Variants in RPH3AL observed in about 807,000 individuals in gnomAD.
The protein encoded by RPH3AL is rabphilin 3A like (without C2 domains), also known as rab effector Noc2.
A neutral mutation model predicts 43.1 loss-of-function variants in RPH3AL; 38 were observed. The ratio of observed to expected loss-of-function variants is 0.88; its 90% CI spans 0.68 to 1.15. The LOEUF is 1.15. Among genes scored for constraint, RPH3AL ranks in the 50% most tolerant of loss-of-function variants. The pLI is 0.00. For synonymous variants in RPH3AL, 189 were observed against 176.3 expected, an observed-to-expected ratio of 1.07 and a Z score of -0.57; for missense variants, 462 against 423.2, an observed-to-expected ratio of 1.09 and a Z score of -0.81.
intron 5 of RPH3AL, among the ~76,000 whole-genome samples, chr17:305,425 C>A (rs1271374763): frequency 6.6e-6 from 1 of 152,078 alleles, no homozygotes. Flanking sequence ...GGCTACTCCA[C>A]CCTGGAGGCC....
chr17:279,088 C>T (rs1319979697), intron 6 of RPH3AL, among the ~76,000 whole-genome samples: 1 of 152,192 alleles, frequency 6.6e-6, no homozygotes, highest in African/African-American at 2.4e-5. Flanking sequence ...GACATAACTC[C>T]AAATTTTCAT....
chr17:344,044 C>G (rs571357084), intron 1 of RPH3AL, among the ~76,000 whole-genome samples: 3 of 135,942 alleles, frequency 2.2e-5, no homozygotes, highest in Admixed American at 2.1e-4. Flanking sequence ...CCATCATCAC[C>G]ATCATCATCG....
At chr17:240,626 A>G (rs139257082) in intron 7 of RPH3AL, among the ~76,000 whole-genome samples, 89 of 152,300 alleles carry the variant, frequency 5.8e-4, no homozygotes, top group African/African-American at 1.6e-3. Flanking sequence ...GTGGATCAGC[A>G]CTTTCTTCCT....
intron 7 of RPH3AL, among the ~76,000 whole-genome samples, chr17:230,848 G>T (rs115621588): frequency 0.013 from 1,962 of 152,196 alleles, 28 homozygotes; most frequent in African/African-American, 0.044. Context: ...GTTTTTTGTT[G>T]TTGTTGTTGT....
At position 246,295 on chromosome 17, in the gene RPH3AL, C is replaced by T. The variant is rs533423191; in HGVS notation, c.613+816G>A. Among the ~76,000 whole-genome samples the T allele has an allele frequency of 2.0e-4, 31 of 152,160 alleles. No homozygotes were observed. Among genetic ancestry groups the T allele is most frequent in the African/African-American group, 5.1e-4 (21 of 41,496 alleles). On this transcript the variant is annotated intron_variant, in intron 7 of 9. Coordinates refer to ENST00000331302, the MANE Select transcript of RPH3AL (RefSeq NM_006987.4). The surrounding 1 kb of genome is among the most constrained non-coding windows in gnomAD (Gnocchi z 4.8). ...GAGCCTCCCTCACCCCTCTGCCTGC[C>T]GTCTCATCTAAGACCCTCAGACCCT...
chr17:293,104 C>T (rs946794842), intron 5 of RPH3AL, among the ~76,000 whole-genome samples: 40 of 152,184 alleles, frequency 2.6e-4, no homozygotes, highest in African/African-American at 8.9e-4. Flanking sequence ...TCCCCTCCAT[C>T]GGAAGAGCCT....
chr17:321,783 A>G (rs1201181086), intron 3 of RPH3AL, among the ~76,000 whole-genome samples: 6 of 151,512 alleles, frequency 4.0e-5, no homozygotes, highest in Admixed American at 2.0e-4. Flanking sequence ...CACAGGCTCC[A>G]AGCGCCAGCC....
In RPH3AL at chr17:274,495, C is replaced by T. The variant is rs1439457229; in HGVS notation, c.438+7273G>A. On this transcript the variant is annotated intron_variant, in intron 6 of 9. Transcript: ENST00000331302. This position sits in a 1 kb window ranked among gnomAD's most constrained non-coding sequence, Gnocchi z 4.7. ...GGAGATACAGCTTCCAGAATCTAGC[C>T]AGTCCGGCAATGTGAGTTGCATTGG... Among the ~76,000 whole-genome samples, 1 of 152,250 alleles carries T rather than the reference C, an allele frequency of 6.6e-6. No homozygotes were observed. Among genetic ancestry groups the T allele is most frequent in the East Asian group, 1.9e-4 (1 of 5,202 alleles).
chr17:249,215 C>CTTT, intron 6 of RPH3AL, among the ~76,000 whole-genome samples: 1 of 152,212 alleles, frequency 6.6e-6, no homozygotes, highest in Non-Finnish European at 1.5e-5. Context: ...GAACACTTTG[C>CTTT]AAAAACCTCA....
In RPH3AL at chr17:274,853, G is replaced by C. The variant is rs1460057524; in HGVS notation, c.438+6915C>G. Among the ~76,000 whole-genome samples, 1 of 152,096 alleles carries C rather than the reference G, an allele frequency of 6.6e-6. No individual in the cohort carries two copies. Among genetic ancestry groups the C allele is most frequent in the Non-Finnish European group, 1.5e-5 (1 of 68,028 alleles). On this transcript the variant is annotated intron_variant, in intron 6 of 9. Coordinates refer to ENST00000331302, the MANE Select transcript of RPH3AL (RefSeq NM_006987.4). The surrounding 1 kb of genome is among the most constrained non-coding windows in gnomAD (Gnocchi z 4.7). ...CAGGAACATAATTAGACAATTGTTT[G>C]GTGTCTAGGAAACATAAAGACGGGC...
At chr17:344,033 C>T (rs1567540475) in intron 1 of RPH3AL, among the ~76,000 whole-genome samples, 2 of 78,852 alleles carry the variant, frequency 2.5e-5, no homozygotes, top group African/African-American at 3.5e-5. Flanking sequence ...TATCATCACC[C>T]CCATCATCAC....
At position 242,313 on chromosome 17, in the gene RPH3AL, T is replaced by C. The variant is rs534836439; in HGVS notation, c.613+4798A>G. Among the ~76,000 whole-genome samples, 215 of 130,546 alleles carry C rather than the reference T, an allele frequency of 1.6e-3. 2 individuals are homozygous for C. The highest frequency in any genetic ancestry group is 5.5e-3 in the African/African-American group (200 of 36,376). 85.6% of individuals were successfully genotyped at this position (130,546 alleles called of 152,430 possible). ...TTCCTCTATTGATTACCTTCCTCTA[T>C]TGACTACCTTCCTCTATTGACTACC... On this transcript the variant is annotated intron_variant, in intron 7 of 9. Transcript: ENST00000331302.
At chr17:335,075 C>T (rs184733835) in intron 1 of RPH3AL, among the ~76,000 whole-genome samples, 48 of 152,322 alleles carry the variant, frequency 3.2e-4, no homozygotes, top group African/African-American at 1.1e-3. Context: ...CCACAGGGTC[C>T]GACCCACGGT....
At chr17:302,661 C>G (rs555400694) in intron 5 of RPH3AL, among the ~76,000 whole-genome samples, 91 of 152,330 alleles carry the variant, frequency 6.0e-4, no homozygotes, top group African/African-American at 2.1e-3. Context: ...GCCACCCACA[C>G]TCACCCCAGG....
chr17:311,260 G>A (rs930959710), intron 5 of RPH3AL, among the ~76,000 whole-genome samples: 1 of 152,194 alleles, frequency 6.6e-6, no homozygotes, highest in African/African-American at 2.4e-5. Context: ...CTGTTCCTAA[G>A]TCGAATCTGC....
At chr17:266,295 G>T (rs2042321200) in intron 6 of RPH3AL, among the ~76,000 whole-genome samples, 1 of 151,018 alleles carries the variant, frequency 6.6e-6, no homozygotes, top group Admixed American at 6.6e-5. Context: ...GCTCCCCAGT[G>T]GGGTGTGTGT....
intron 6 of RPH3AL, among the ~76,000 whole-genome samples, chr17:249,753 C>A (rs1331428571): frequency 1.3e-5 from 2 of 152,014 alleles, no homozygotes; most frequent in East Asian, 3.9e-4. Context: ...CGCTGCGGGA[C>A]GTCTCAGAGC....
At chr17:308,924 G>A (rs913971487) in intron 5 of RPH3AL, among the ~76,000 whole-genome samples, 17 of 152,186 alleles carry the variant, frequency 1.1e-4, no homozygotes, top group African/African-American at 3.1e-4. Flanking sequence ...GAGGTTAGCA[G>A]ACTCTCTCTA....
At position 257,813 on chromosome 17, in the gene RPH3AL, G is replaced by T. The variant is rs781795564; in HGVS notation, c.439-10528C>A. 1.9e-3 allele frequency among the ~76,000 whole-genome samples: 24 copies of T among 12,634 alleles called. 1 individual carries two copies. Among genetic ancestry groups the T allele is most frequent in the African/African-American group, 4.0e-3 (10 of 2,516 alleles). The allele number at this position is 12,634 out of a possible 152,430, so 8.3% of individuals were successfully genotyped here. ...AGGGGAGCCGCACGGTGTCTGTCCT[G>T]TTCTGTCCCTAGGAATGTGACTACC... is the stretch of plus-strand genomic sequence containing the variant. On this transcript the variant is annotated intron_variant, in intron 6 of 9. Transcript: ENST00000331302.
Sources: allele counts gnomAD v4.1 joint callset (sites outside exome capture counted in the v4.1 genomes callset), GRCh38; gene constraint gnomAD v4.1.1; non-coding constraint Gnocchi (gnomAD v3.1); transcripts MANE v1.5; gene names NCBI Gene and HGNC (gene_info 2026-07-23, HGNC 2026-07-21).